The following C17orf75 variants were observed in gnomAD, a reference collection of about 807,000 sequenced individuals.
The protein encoded by C17orf75 is protein Njmu-R1.
In C17orf75, 32 loss-of-function variants were observed where a neutral mutation model predicts 49.6. That is an observed-to-expected ratio of 0.65 (90% CI 0.49 to 0.87). The LOEUF (loss-of-function observed/expected upper bound fraction) is 0.87. Ranked by LOEUF, C17orf75 falls within the 40% of genes least tolerant of loss-of-function variation. C17orf75 has a pLI of 0.00. For synonymous variants in C17orf75, 158 were observed against 159.5 expected, an observed-to-expected ratio of 0.99 and a Z score of 0.07; for missense variants, 428 against 473.9, an observed-to-expected ratio of 0.90 and a Z score of 0.90.
rs766891720 is a variant in C17orf75, at chr17:32,342,032, G to C, written c.108C>G (p.Ser36Arg). The C allele has an allele frequency of 6.5e-7, 1 of 1,546,588 alleles. No homozygotes were observed. The highest frequency in any genetic ancestry group is 8.7e-7 in the Non-Finnish European group (1 of 1,146,792). The change falls in exon 1 of 10, where the codon AGC becomes AGG. Residue 36 changes from serine (S) to arginine (R), a missense_variant. Transcript: ENST00000577809. ...CGCGATAGCTGTAAAGACAGTAGTG[G>C]CTGCTGGACGGCGGCTCGAGTCTCC... is the stretch of plus-strand genomic sequence containing the variant. The part of the protein sequence containing the change: ...EERRLEPPSS[S>R]HYCLYSYRGS...
chr17:32,336,151 A>G (rs2041323543), intron 5 of C17orf75, among the ~76,000 whole-genome samples: 1 of 152,190 alleles, frequency 6.6e-6, no homozygotes, highest in African/African-American at 2.4e-5. Flanking sequence ...CTTCTACTAT[A>G]TATGTAATGG....
chr17:32,349,078 C>A (rs575892317), intron 1 of C17orf75, among the ~76,000 whole-genome samples: 38 of 151,784 alleles, frequency 2.5e-4, no homozygotes, highest in South Asian at 1.2e-3. Flanking sequence ...GTCGGCCAGG[C>A]TGGTCTCGAA....
In C17orf75 at chr17:32,339,938, G is replaced by T. The variant is rs759209519; in HGVS notation, c.222C>A (p.Ser74Arg). The T allele has an allele frequency of 6.2e-7, 1 of 1,613,700 alleles. No homozygotes were observed. The highest frequency in any genetic ancestry group is 8.5e-7 in the Non-Finnish European group (1 of 1,179,804). Residue 74 changes from serine (S) to arginine (R), a missense_variant and splice_region_variant, in exon 3 of 10, where the codon AGC becomes AGA. By Grantham distance (110) the Ser-to-Arg change is moderately radical (BLOSUM62 -1). Coordinates refer to ENST00000577809, the MANE Select transcript of C17orf75 (RefSeq NM_022344.4). ...GTAGATTAGTATCTGCCAAGGAGAGGCTTGACAAATGAAAGACACACATTC... is the reference window on the plus strand; with the variant it reads ...GTAGATTAGTATCTGCCAAGGAGAGTCTTGACAAATGAAAGACACACATTC... The part of the protein sequence containing the change: ...NAETPSGDDF[S>R]LSLADTNLPS...
intron 9 of C17orf75, among the ~76,000 whole-genome samples, chr17:32,332,721 G>T (rs1025891279): frequency 2.0e-5 from 3 of 152,196 alleles, no homozygotes; most frequent in Admixed American, 6.5e-5. Context: ...AGCCATGATT[G>T]CACCACTGCA....
At chr17:32,347,613 T>C (rs2041435375) in intron 1 of C17orf75, among the ~76,000 whole-genome samples, 3 of 152,130 alleles carry the variant, frequency 2.0e-5, no homozygotes, top group Non-Finnish European at 2.9e-5. Flanking sequence ...TCTGGAAATT[T>C]GGAAATCCAA....
chr17:32,339,808 C>T lies in C17orf75; in HGVS notation c.347+5G>A. 6.2e-7 allele frequency: 1 copy of T among 1,613,322 alleles called. No individual in the cohort carries two copies. On this transcript the variant is annotated splice_donor_5th_base_variant and intron_variant, in intron 3 of 9. Coordinates refer to ENST00000577809, the MANE Select transcript of C17orf75 (RefSeq NM_022344.4). ...AACTCAGGACACAGCACATTTTGCA[C>T]TTACTTTAGCTCCACAGATGCAACA...
At position 32,341,108 on chromosome 17, in the gene C17orf75, A is replaced by C. The variant is rs2041376043; in HGVS notation, c.221+96T>G. On this transcript the variant is annotated intron_variant, in intron 2 of 9. Transcript: ENST00000577809. ...AGGAATTGACGGTTTGACTCAGGGA[A>C]AGCTCAGTGGAAATAGAGTATCCAC... The C allele has an allele frequency of 1.2e-5, 16 of 1,297,390 alleles. No homozygotes were observed. The South Asian group carries it at 1.9e-4, about 16-fold the overall frequency. The allele number at this position is 1,297,390 out of a possible 1,614,324, so 80.4% of individuals were successfully genotyped here. A position where few individuals can be genotyped will look rare whatever the true frequency, so the allele number is the denominator to read the frequency against.
intron 1 of C17orf75, 50 bp downstream of exon 1, chr17:32,341,950 G>C: frequency 7.8e-7 from 1 of 1,284,214 alleles, no homozygotes; most frequent in Non-Finnish European, 9.9e-7. Flanking sequence ...CGGGCCGGGG[G>C]CGGGGCCGCA....
intron 1 of C17orf75, among the ~76,000 whole-genome samples, chr17:32,347,243 G>A (rs2041431773): frequency 6.6e-6 from 1 of 152,060 alleles, no homozygotes; most frequent in Non-Finnish European, 1.5e-5. Context: ...TTACAGGCAT[G>A]AGCCACCACA....
chr17:32,337,965 A>C lies in C17orf75; in HGVS notation c.492-11T>G, dbSNP rs1184479450. On this transcript the variant is annotated splice_polypyrimidine_tract_variant and intron_variant, in intron 4 of 9. Transcript: ENST00000577809. The stretch of plus-strand genomic sequence containing the variant: ...AATTCAAGCCTGAAAGTATGTTCTT[A>C]AGGAAGCAATAAAGGATGAATAATG... The C allele has an allele frequency of 6.3e-7, 1 of 1,596,416 alleles. No individual in the cohort carries two copies. Among genetic ancestry groups the C allele is most frequent in the Non-Finnish European group, 8.6e-7 (1 of 1,169,574 alleles).
In C17orf75 at chr17:32,348,977, TGCCTCATTCTCCC is replaced by T. The variant is rs542404081; in HGVS notation, c.-7+952_-7+964del. Among the ~76,000 whole-genome samples the T allele has an allele frequency of 2.3e-4, 34 of 149,444 alleles. No individual in the cohort carries two copies. In the East Asian group the frequency reaches 6.6e-3, roughly 29 times the overall value. On this transcript the variant is annotated intron_variant, in intron 1 of 8. Transcript: ENST00000583774. ...ACCTCCCAGGTCCAAGTGATTCTCCTGCCTCATTCTCCCGAGTAGCTGAGGTTACAGGCGCCTG... is the reference window on the plus strand; with the variant it reads ...ACCTCCCAGGTCCAAGTGATTCTCCTGAGTAGCTGAGGTTACAGGCGCCTG...
At chr17:32,337,725 C>T (rs544854551) in intron 5 of C17orf75, among the ~76,000 whole-genome samples, 172 bp downstream of exon 5, 2 of 152,236 alleles carry the variant, frequency 1.3e-5, no homozygotes, top group African/African-American at 4.8e-5. Context: ...AGGTGCCTGC[C>T]ACCATGCCTG....
intron 9 of C17orf75, among the ~76,000 whole-genome samples, chr17:32,332,306 C>T (rs994391030): frequency 6.6e-6 from 1 of 152,056 alleles, no homozygotes; most frequent in African/African-American, 2.4e-5. Context: ...CCACACCAGG[C>T]TAATTTTGTA....
intron 1 of C17orf75, chr17:32,341,758 T>C (rs886833567): frequency 2.0e-6 from 2 of 998,534 alleles, no homozygotes; most frequent in East Asian, 8.6e-5. Context: ...TGGGATGATA[T>C]AGGGGCAGAT....
At chr17:32,335,844 T>G (rs1471756171) in intron 5 of C17orf75, among the ~76,000 whole-genome samples, 1 of 152,206 alleles carries the variant, frequency 6.6e-6, no homozygotes. Flanking sequence ...ATGCATAGTA[T>G]GAGCTTATTA....
intron 6 of C17orf75, 67 bp downstream of exon 6, chr17:32,335,256 G>A: frequency 6.4e-7 from 1 of 1,564,330 alleles, no homozygotes; most frequent in Non-Finnish European, 8.7e-7. Context: ...CAGAGAAAAT[G>A]AGTATGTTTC....
At chr17:32,337,677 G>A (rs1319230369) in intron 5 of C17orf75, among the ~76,000 whole-genome samples, 6 of 152,064 alleles carry the variant, frequency 3.9e-5, no homozygotes, top group African/African-American at 1.2e-4. Context: ...GGGTTCAAGC[G>A]ATTCTCCTGC....
At chr17:32,334,375 A>C in intron 8 of C17orf75, 94 bp downstream of exon 8, 2 of 1,418,926 alleles carry the variant, frequency 1.4e-6, no homozygotes, top group Non-Finnish European at 1.9e-6. Flanking sequence ...AAACTGCACA[A>C]GGCAGGAAGA....
chr17:32,333,589 G>A (rs2041297275), intron 8 of C17orf75, 69 bp from the exon 9 acceptor site: 26 of 1,382,938 alleles, frequency 1.9e-5, no homozygotes, highest in Non-Finnish European at 2.4e-5. Flanking sequence ...ATTTATTTGA[G>A]ACGGGAGATT....
Sources: gnomAD v4.1 joint callset for allele counts (sites outside exome capture counted in the v4.1 genomes callset) on GRCh38, gnomAD v4.1.1 for gene constraint, MANE v1.5 for transcripts, NCBI Gene and HGNC (gene_info 2026-07-23, HGNC 2026-07-21) for gene names.